The following KLHL29 variants were observed in gnomAD, a reference collection of about 807,000 sequenced individuals.
The protein encoded by KLHL29 is kelch like family member 29.
In KLHL29, 21 loss-of-function variants were observed where a neutral mutation model predicts 80.4. The ratio of observed to expected loss-of-function variants is 0.26; its 90% CI spans 0.19 to 0.38. KLHL29 has a LOEUF of 0.38. KLHL29 is among the 10% of genes least tolerant of loss of function. KLHL29 has a pLI of 1.00. For synonymous variants in KLHL29, 511 were observed against 526.8 expected, an observed-to-expected ratio of 0.97 and a Z score of 0.41; for missense variants, 867 against 1,223.9, an observed-to-expected ratio of 0.71 and a Z score of 4.35.
At chr2:23,527,812 AT>A (rs764126007) in intron 2 of KLHL29, among the ~76,000 whole-genome samples, 4 of 152,176 alleles carry the variant, frequency 2.6e-5, no homozygotes, top group Non-Finnish European at 5.9e-5. Context: ...CTTGATCTTG[AT>A]TCCTGGAGCC....
At chr2:23,406,833 T>G (rs1184778578) in intron 1 of KLHL29, among the ~76,000 whole-genome samples, 1 of 152,228 alleles carries the variant, frequency 6.6e-6, no homozygotes, top group African/African-American at 2.4e-5. Context: ...CAAGGTTTGA[T>G]CTCTTTAAAA....
chr2:23,511,786 G>C (rs1342752878), intron 2 of KLHL29, among the ~76,000 whole-genome samples: 2 of 152,140 alleles, frequency 1.3e-5, no homozygotes, highest in South Asian at 4.1e-4. Context: ...GTGTCGGTTC[G>C]TGGCTGCAGT....
chr2:23,496,479 C>T (rs1354632080), intron 2 of KLHL29, among the ~76,000 whole-genome samples: 1 of 152,134 alleles, frequency 6.6e-6, no homozygotes, highest in Admixed American at 6.5e-5. Flanking sequence ...CCTGGTACCT[C>T]CTCCCTCTCC....
intron 3 of KLHL29, among the ~76,000 whole-genome samples, chr2:23,604,405 T>G (rs896392287): frequency 1.3e-5 from 2 of 152,164 alleles, no homozygotes; most frequent in Non-Finnish European, 2.9e-5. Context: ...TGGAAGATCA[T>G]TTCTATTCTC....
At chr2:23,542,098 A>G (rs1666854984) in intron 2 of KLHL29, among the ~76,000 whole-genome samples, 1 of 152,360 alleles carries the variant, frequency 6.6e-6, no homozygotes, top group African/African-American at 2.4e-5. Context: ...TGAGTCAGGC[A>G]ACCAGGGTGG....
chr2:23,412,421 G>A (rs1666887477), intron 1 of KLHL29, among the ~76,000 whole-genome samples: 1 of 152,196 alleles, frequency 6.6e-6, no homozygotes, highest in Non-Finnish European at 1.5e-5. Context: ...GACAGAGAAG[G>A]AAGAGGAGAG....
chr2:23,530,350 C>T (rs1171436482), intron 2 of KLHL29, among the ~76,000 whole-genome samples: 1 of 152,196 alleles, frequency 6.6e-6, no homozygotes, highest in African/African-American at 2.4e-5. Context: ...TGCCAAGGAT[C>T]AGACCCCCTC....
chr2:23,526,394 C>A (rs995863615), intron 2 of KLHL29, among the ~76,000 whole-genome samples: 1 of 152,174 alleles, frequency 6.6e-6, no homozygotes. Flanking sequence ...ACAGCCCATG[C>A]GTGACTAAGG....
chr2:23,542,962 G>T (rs979877786), intron 2 of KLHL29, among the ~76,000 whole-genome samples: 1 of 152,120 alleles, frequency 6.6e-6, no homozygotes, highest in Non-Finnish European at 1.5e-5. Flanking sequence ...TGCATTAGTC[G>T]GGGCAGGCTA....
In KLHL29 at chr2:23,484,450, A is replaced by G. The variant is rs573145433; in HGVS notation, c.-46+8783A>G. On this transcript the variant is annotated intron_variant, in intron 2 of 13. Coordinates refer to ENST00000486442, the MANE Select transcript of KLHL29 (RefSeq NM_052920.2). ...AGCACATTTCTGCTTTTACAAAGTA[A>G]CCTAGTAACAGCACAGGAGGCAACA... Among the ~76,000 whole-genome samples the G allele has an allele frequency of 5.9e-4, 90 of 152,332 alleles. 1 individual carries two copies. The highest frequency in any genetic ancestry group is 2.0e-3 in the African/African-American group (84 of 41,570).
At chr2:23,575,942 AC>A (rs1254478601) in intron 3 of KLHL29, among the ~76,000 whole-genome samples, 3 of 152,084 alleles carry the variant, frequency 2.0e-5, no homozygotes, top group African/African-American at 7.2e-5. Flanking sequence ...TTCCTCTAGC[AC>A]CCGCAAGAGC....
intron 3 of KLHL29, among the ~76,000 whole-genome samples, chr2:23,613,302 G>A (rs1668915041): frequency 6.6e-6 from 1 of 152,066 alleles, no homozygotes; most frequent in East Asian, 1.9e-4. Context: ...CTCACTCTAT[G>A]CTATTTATAA....
In KLHL29 at chr2:23,387,545, T is replaced by TATTATG. The variant is rs564799808; in HGVS notation, c.-154+1767_-154+1768insTATGAT. 8.6e-5 allele frequency among the ~76,000 whole-genome samples: 12 copies of TATTATG among 139,584 alleles called. No individual in the cohort carries two copies. The East Asian group carries it at 2.3e-3, about 27-fold the overall frequency. The allele number at this position is 139,584 out of a possible 152,430, so 91.6% of individuals were successfully genotyped here. On this transcript the variant is annotated intron_variant, in intron 1 of 13. Transcript: ENST00000486442. Reference sequence around the variant, plus strand: ...TTATTATTATTATTATTATTATTATTATGGAAAGAAGGTATAGAGCTTTTT... The same window carrying TATTATG: ...TTATTATTATTATTATTATTATTATTATTATGATGGAAAGAAGGTATAGAGCTTTTT...
intron 1 of KLHL29, among the ~76,000 whole-genome samples, chr2:23,458,367 A>G (rs575737468): frequency 2.6e-5 from 4 of 152,360 alleles, no homozygotes; most frequent in African/African-American, 9.6e-5. Context: ...CAACTCTTGT[A>G]GAACAAAAGC....
chr2:23,521,681 CT>C (rs1666108325), intron 2 of KLHL29, among the ~76,000 whole-genome samples: 1 of 152,218 alleles, frequency 6.6e-6, no homozygotes, highest in African/African-American at 2.4e-5. Context: ...TAGTAACTAC[CT>C]GTACCCCATT....
intron 1 of KLHL29, among the ~76,000 whole-genome samples, chr2:23,442,074 C>G (rs1483464187): frequency 6.6e-6 from 1 of 152,022 alleles, no homozygotes; most frequent in Admixed American, 6.6e-5. Context: ...ATGTGGTGGG[C>G]TCAGTGTAAT....
chr2:23,423,913 G>A (rs902819339), intron 1 of KLHL29, among the ~76,000 whole-genome samples: 11 of 152,154 alleles, frequency 7.2e-5, no homozygotes, highest in Non-Finnish European at 1.3e-4. Context: ...CAGGTTGCAC[G>A]GCTCCAATCT....
At chr2:23,623,256 A>G (rs556412845) in intron 3 of KLHL29, among the ~76,000 whole-genome samples, 16 of 152,216 alleles carry the variant, frequency 1.1e-4, no homozygotes, top group East Asian at 9.7e-4. Flanking sequence ...GGTGCCCAGC[A>G]TCCCTCATGG....
intron 1 of KLHL29, among the ~76,000 whole-genome samples, chr2:23,445,462 T>C (rs1030283907): frequency 6.6e-6 from 1 of 152,230 alleles, no homozygotes; most frequent in African/African-American, 2.4e-5. Context: ...TCTTTGTCCA[T>C]TGCATGTACT....
Sources: allele counts gnomAD v4.1 joint callset (sites outside exome capture counted in the v4.1 genomes callset), GRCh38; gene constraint gnomAD v4.1.1; transcripts MANE v1.5; gene names NCBI Gene and HGNC (gene_info 2026-07-23, HGNC 2026-07-21).